Variants in PDE10A observed in about 807,000 individuals in gnomAD.
The protein encoded by PDE10A is cAMP and cAMP-inhibited cGMP 3',5'-cyclic phosphodiesterase 10A.
A neutral mutation model predicts 97.7 loss-of-function variants in PDE10A; 39 were observed. The observed-to-expected ratio is 0.40, with a 90% CI of 0.31 to 0.52. The LOEUF (loss-of-function observed/expected upper bound fraction) is 0.52. Ranked by LOEUF, PDE10A falls within the 20% of genes least tolerant of loss-of-function variation. The probability of loss-of-function intolerance (pLI) is 0.56; values close to 1 mark genes in which losing one functional copy is unlikely to be tolerated. For synonymous variants in PDE10A, 371 were observed against 376.8 expected, an observed-to-expected ratio of 0.98 and a Z score of 0.18; for missense variants, 731 against 1,047.8, an observed-to-expected ratio of 0.70 and a Z score of 4.17.
At chr6:165,336,047 G>T in intron 21 of PDE10A, 76 bp downstream of exon 21, 1 of 1,098,404 alleles carries the variant, frequency 9.1e-7, no homozygotes, top group Non-Finnish European at 1.4e-6. Context: ...CAACACACTA[G>T]TGGGGTACAA....
intron 3 of PDE10A, among the ~76,000 whole-genome samples, chr6:165,458,564 C>T (rs771448891): frequency 7.2e-5 from 11 of 152,202 alleles, no homozygotes; most frequent in Non-Finnish European, 1.0e-4. Flanking sequence ...GCAGCTAAAC[C>T]AGGACACTAA....
At chr6:165,336,410 G>A (rs1489871663) in intron 20 of PDE10A, among the ~76,000 whole-genome samples, 199 bp from the exon 21 acceptor site, 1 of 152,152 alleles carries the variant, frequency 6.6e-6, no homozygotes, top group African/African-American at 2.4e-5. Flanking sequence ...ATGGATTCTA[G>A]AAATAAAACA....
intron 21 of PDE10A, among the ~76,000 whole-genome samples, chr6:165,335,810 G>C (rs112688547): frequency 6.6e-6 from 1 of 151,602 alleles, no homozygotes; most frequent in Non-Finnish European, 1.5e-5. Flanking sequence ...CCAGTCACTC[G>C]GTCATCTGGG....
At chr6:165,986,661 G>A (rs753846600) in intron 1 of PDE10A, 2 of 152,172 alleles carry the variant, frequency 1.3e-5, no homozygotes, top group African/African-American at 4.8e-5. Context: ...AGGCTCCTTG[G>A]GTGCCTCAGC....
At chr6:165,589,727 T>C (rs1015066686) in intron 1 of PDE10A, among the ~76,000 whole-genome samples, 3 of 152,066 alleles carry the variant, frequency 2.0e-5, no homozygotes, top group Non-Finnish European at 4.4e-5. Flanking sequence ...AATTATAAAT[T>C]TGAAAAAAAT....
At chr6:165,516,405 T>C (rs903962813) in intron 2 of PDE10A, among the ~76,000 whole-genome samples, 14 of 152,202 alleles carry the variant, frequency 9.2e-5, no homozygotes, top group Non-Finnish European at 2.1e-4. Context: ...GTATTCTTAA[T>C]ATATGAGTCA....
chr6:165,692,359 G>T (rs192424207), intron 1 of PDE10A, among the ~76,000 whole-genome samples: 1 of 152,318 alleles, frequency 6.6e-6, no homozygotes, highest in East Asian at 1.9e-4. Flanking sequence ...GAAGCAGGAG[G>T]AGCTGCAGGG....
At chr6:165,431,530 AC>A in intron 7 of PDE10A, 58 bp from the exon 8 acceptor site, 1 of 592,314 alleles carries the variant, frequency 1.7e-6, no homozygotes, top group Non-Finnish European at 2.8e-6. Context: ...ATATATATAT[AC>A]TATATATAAT....
At chr6:165,641,546 G>A (rs201508575) in intron 1 of PDE10A, among the ~76,000 whole-genome samples, 2 of 144,378 alleles carry the variant, frequency 1.4e-5, no homozygotes, top group Non-Finnish European at 3.1e-5. Context: ...CTGGCTCTCA[G>A]AGGCAGAGGT....
intron 3 of PDE10A, among the ~76,000 whole-genome samples, chr6:165,466,390 G>A (rs1409058510): frequency 6.6e-6 from 1 of 152,132 alleles, no homozygotes; most frequent in Non-Finnish European, 1.5e-5. Flanking sequence ...AAAATTAAGG[G>A]AAAGAAAAGA....
intron 1 of PDE10A, among the ~76,000 whole-genome samples, chr6:165,678,179 C>CTGTGTGT (rs1790865182): frequency 9.7e-4 from 3 of 3,092 alleles, no homozygotes; most frequent in African/African-American, 2.6e-3. Flanking sequence ...ATGTGTGTGT[C>CTGTGTGT]CATGTGTGTC....
At chr6:165,699,665 T>C (rs1253750181) in intron 1 of PDE10A, among the ~76,000 whole-genome samples, 1 of 152,058 alleles carries the variant, frequency 6.6e-6, no homozygotes, top group Admixed American at 6.5e-5. Context: ...TGGAATAAAA[T>C]TGGAAATTAC....
chr6:165,501,516 T>C (rs559397740), intron 2 of PDE10A, among the ~76,000 whole-genome samples: 2 of 149,304 alleles, frequency 1.3e-5, no homozygotes, highest in Admixed American at 1.3e-4. Context: ...GAGCTTGCAG[T>C]GAGCAGAGAT....
At chr6:165,707,910 A>C (rs1261526350) in intron 1 of PDE10A, among the ~76,000 whole-genome samples, 1 of 152,000 alleles carries the variant, frequency 6.6e-6, no homozygotes, top group Admixed American at 6.6e-5. Flanking sequence ...TTGCTCTTTA[A>C]CCTCCTGCAG....
At chr6:165,928,947 C>T (rs1360449963) in intron 1 of PDE10A, among the ~76,000 whole-genome samples, 2 of 152,178 alleles carry the variant, frequency 1.3e-5, no homozygotes, top group Non-Finnish European at 1.5e-5. Flanking sequence ...AAGAACTAAA[C>T]CATGGTGCAC....
chr6:165,511,745 T>C (rs984140537), intron 2 of PDE10A, among the ~76,000 whole-genome samples: 1 of 152,046 alleles, frequency 6.6e-6, no homozygotes, highest in Non-Finnish European at 1.5e-5. Context: ...TCTTGAAGAA[T>C]TGATCTCTTT....
intron 10 of PDE10A, among the ~76,000 whole-genome samples, chr6:165,419,675 G>A (rs1041775125): frequency 6.6e-6 from 1 of 152,088 alleles, no homozygotes; most frequent in African/African-American, 2.4e-5. Context: ...ACTGTCCTGA[G>A]TGGGTTGGGG....
chr6:165,779,905 A>G (rs1396016560), intron 1 of PDE10A, among the ~76,000 whole-genome samples: 2 of 152,022 alleles, frequency 1.3e-5, no homozygotes, highest in African/African-American at 4.8e-5. Context: ...AACACTGCCA[A>G]CCCACTCTTC....
intron 1 of PDE10A, among the ~76,000 whole-genome samples, chr6:165,691,595 A>G (rs200710183): frequency 8.8e-3 from 221 of 25,182 alleles, no homozygotes; most frequent in African/African-American, 0.012. Context: ...GCGCGCGCAC[A>G]CACACACACA....
Sources: gnomAD v4.1 joint callset for allele counts (sites outside exome capture counted in the v4.1 genomes callset) on GRCh38, gnomAD v4.1.1 for gene constraint, MANE v1.5 for transcripts, NCBI Gene and HGNC (gene_info 2026-07-23, HGNC 2026-07-21) for gene names.